Variants in HADHA observed in about 807,000 individuals in gnomAD.
HADHA encodes trifunctional enzyme subunit alpha, mitochondrial.
HADHA carries 59 observed loss-of-function variants against 91.3 expected under a neutral mutation model. The observed-to-expected ratio is 0.65, with a 90% CI of 0.52 to 0.80. The LOEUF is 0.80. Ranked by LOEUF, HADHA falls within the 30% of genes least tolerant of loss-of-function variation. HADHA has a pLI of 0.00. For missense variants in HADHA, 800 were observed against 927.6 expected, an observed-to-expected ratio of 0.86 and a Z score of 1.79; for synonymous variants, 320 against 338.9, an observed-to-expected ratio of 0.94 and a Z score of 0.61.
At position 26,229,808 on chromosome 2, in the gene HADHA, C is replaced by T. The variant is rs940908311; in HGVS notation, c.676+384G>A. On this transcript the variant is annotated intron_variant, in intron 7 of 19. Coordinates refer to ENST00000380649, the MANE Select transcript of HADHA (RefSeq NM_000182.5). This position sits in a 1 kb window ranked among gnomAD's most constrained non-coding sequence, Gnocchi z 4.3. ...AGAGTTTGAGCTTCTCTCTGTGCTT[C>T]CTGTGATATTCAAGAGGTTAACTGT... is the stretch of plus-strand genomic sequence containing the variant. 6.6e-6 allele frequency among the ~76,000 whole-genome samples: 1 copy of T among 152,142 alleles called. No individual in the cohort carries two copies. The highest frequency in any genetic ancestry group is 1.5e-5 in the Non-Finnish European group (1 of 68,034).
At chr2:26,197,375 C>T (rs1056038619) in intron 14 of HADHA, among the ~76,000 whole-genome samples, 1 of 152,318 alleles carries the variant, frequency 6.6e-6, no homozygotes, top group East Asian at 1.9e-4. Flanking sequence ...TGCTCTGTAG[C>T]CAAACTGGTA....
chr2:26,197,828 T>C (rs774681333), intron 13 of HADHA, 51 bp from the exon 14 acceptor site: 3 of 915,788 alleles, frequency 3.3e-6, no homozygotes, highest in Non-Finnish European at 5.5e-6. Flanking sequence ...GGGAGATGAT[T>C]AGAGGCCACA....
rs1408161499 is a variant in HADHA at position 26,205,371 on chromosome 2, A to G, written c.1086-1175T>C. ...GTCCTGAAAAGGAAATCTAACTTCA[A>G]GTCCTAGGAGCATCTTCTAAATGCA... is the stretch of plus-strand genomic sequence containing the variant. On this transcript the variant is annotated intron_variant, in intron 11 of 19. Coordinates refer to ENST00000380649, the MANE Select transcript of HADHA (RefSeq NM_000182.5). Among the ~76,000 whole-genome samples the G allele has an allele frequency of 3.3e-5, 5 of 152,246 alleles. No individual in the cohort carries two copies. The East Asian group carries it at 5.8e-4, about 18-fold the overall frequency.
In HADHA at chr2:26,229,564, C is replaced by T. The variant is rs1670569487; in HGVS notation, c.676+628G>A. Among the ~76,000 whole-genome samples, 2 of 152,028 alleles carry T rather than the reference C, an allele frequency of 1.3e-5. No homozygotes were observed. The highest frequency in any genetic ancestry group is 1.3e-4 in the Admixed American group (2 of 15,248). On this transcript the variant is annotated intron_variant, in intron 7 of 19. Coordinates refer to ENST00000380649, the MANE Select transcript of HADHA (RefSeq NM_000182.5). This position sits in a 1 kb window ranked among gnomAD's most constrained non-coding sequence, Gnocchi z 4.3. ...GTTAATATTCTCAGGTTGGTTGTTT[C>T]ATTTATTATATTACTAAAACAGACA...
intron 5 of HADHA, among the ~76,000 whole-genome samples, chr2:26,232,863 A>T (rs964658601): frequency 6.6e-6 from 1 of 151,840 alleles, no homozygotes; most frequent in Non-Finnish European, 1.5e-5. Context: ...AGCCTGCTAC[A>T]CATCTAGGCT....
At chr2:26,193,870 C>G in intron 16 of HADHA, 98 bp from the exon 17 acceptor site, 1 of 947,892 alleles carries the variant, frequency 1.1e-6, no homozygotes, top group Non-Finnish European at 1.7e-6. Flanking sequence ...TGTGTAAAAC[C>G]CACTTCTGAG....
intron 11 of HADHA, among the ~76,000 whole-genome samples, chr2:26,207,721 T>C (rs767026944): frequency 5.9e-5 from 9 of 152,200 alleles, no homozygotes; most frequent in Non-Finnish European, 4.4e-5. Context: ...ATGTTGTGAT[T>C]TGAGGAATGC....
chr2:26,208,635 G>C (rs1670023129), intron 11 of HADHA, among the ~76,000 whole-genome samples: 1 of 152,130 alleles, frequency 6.6e-6, no homozygotes, highest in Admixed American at 6.5e-5. Flanking sequence ...GGAATGGGTG[G>C]CTTTGTTTTC....
intron 7 of HADHA, among the ~76,000 whole-genome samples, chr2:26,218,866 G>A (rs1670300400): frequency 6.6e-6 from 1 of 151,588 alleles, no homozygotes; most frequent in Admixed American, 6.6e-5. Context: ...AATTAGCTGG[G>A]TGTGGTGGTG....
At chr2:26,239,857 A>G (rs1221414605) in intron 1 of HADHA, among the ~76,000 whole-genome samples, 1 of 152,194 alleles carries the variant, frequency 6.6e-6, no homozygotes, top group Non-Finnish European at 1.5e-5. Flanking sequence ...CTTGTGTTCA[A>G]CCATCAGGTT....
intron 1 of HADHA, among the ~76,000 whole-genome samples, chr2:26,242,817 T>C (rs1670932451): frequency 6.6e-6 from 1 of 152,258 alleles, no homozygotes; most frequent in East Asian, 1.9e-4. Flanking sequence ...TGTGGCGCGA[T>C]CTCGGCTCAC....
chr2:26,233,444 G>A (rs1013634151), intron 5 of HADHA, among the ~76,000 whole-genome samples: 1 of 152,250 alleles, frequency 6.6e-6, no homozygotes, highest in African/African-American at 2.4e-5. Flanking sequence ...TTCAGCATGT[G>A]AAAAGTGCTC....
chr2:26,191,436 C>A, intron 19 of HADHA, 41 bp from the exon 20 acceptor site: 1 of 1,614,172 alleles, frequency 6.2e-7, no homozygotes, highest in Non-Finnish European at 8.5e-7. Context: ...AGACGCAACA[C>A]GGGCTCCAGG....
At chr2:26,228,841 G>GA (rs934362462) in intron 7 of HADHA, among the ~76,000 whole-genome samples, 20 of 147,440 alleles carry the variant, frequency 1.4e-4, no homozygotes, top group East Asian at 7.9e-4. Context: ...CCAGCTAATT[G>GA]AAAAAAAAAA....
intron 1 of HADHA, 60 bp from the exon 2 acceptor site, chr2:26,239,203 T>C: frequency 1.9e-6 from 2 of 1,074,372 alleles, no homozygotes; most frequent in South Asian, 2.5e-5. Context: ...ACCTTTTATA[T>C]ATAACAAAGC....
At chr2:26,218,916 A>G (rs1311483623) in intron 7 of HADHA, among the ~76,000 whole-genome samples, 3 of 148,948 alleles carry the variant, frequency 2.0e-5, no homozygotes, top group Non-Finnish European at 4.5e-5. Context: ...CTGAGGCAAG[A>G]GAATTGATTG....
At chr2:26,192,455 A>G (rs1558314086) in intron 17 of HADHA, 31 bp from the exon 18 acceptor site, 2 of 1,172,848 alleles carry the variant, frequency 1.7e-6, no homozygotes, top group Non-Finnish European at 2.6e-6. Flanking sequence ...GAGTGTTACT[A>G]TTTGTTCTCA....
chr2:26,227,720 G>A (rs774596356), intron 7 of HADHA, among the ~76,000 whole-genome samples: 15 of 151,924 alleles, frequency 9.9e-5, no homozygotes, highest in Admixed American at 2.6e-4. Context: ...TCGTAATCCC[G>A]GCTTCTTGGG....
rs1221472546 is a variant in HADHA, at chr2:26,236,978, A to C, written c.191T>G (p.Leu64Arg). The C allele has an allele frequency of 1.9e-6, 3 of 1,609,262 alleles. No individual in the cohort carries two copies. In the South Asian group the frequency reaches 3.3e-5, roughly 18 times the overall value. Residue 64 changes from leucine to arginine, a missense_variant, in exon 4 of 20, where the codon CTG (leucine) becomes CGG (arginine). Physicochemically the swap from Leu to Arg is moderately radical, Grantham distance 102. Transcript: ENST00000380649. ...INSPNSKVNTLSKELHSEFSE... is the reference protein window; with the variant it reads ...INSPNSKVNTRSKELHSEFSE... ...GAACTCTGAATGTAGCTCTTTACTC[A>C]GTGTATTTACCTGCCAAAGGGAAAT...
Sources: allele counts gnomAD v4.1 joint callset (sites outside exome capture counted in the v4.1 genomes callset), GRCh38; gene constraint gnomAD v4.1.1; non-coding constraint Gnocchi (gnomAD v3.1); transcripts MANE v1.5; gene names NCBI Gene and HGNC (gene_info 2026-07-23, HGNC 2026-07-21).